The following PCDH15 variants were observed in gnomAD, a reference collection of about 807,000 sequenced individuals.
PCDH15 encodes the protein protocadherin-15.
In PCDH15, 129 loss-of-function variants were observed where a neutral mutation model predicts 178.5. The observed-to-expected ratio is 0.72, with a 90% CI of 0.63 to 0.84. The LOEUF is 0.84. PCDH15 is among the 40% of genes least tolerant of loss of function. PCDH15 has a pLI of 0.00. For synonymous variants in PCDH15, 800 were observed against 732.0 expected (o/e 1.09, Z -1.50); for missense variants, 2,230 against 2,099.9 (o/e 1.06, Z -1.21).
At chr10:54,970,975 G>A (rs1838916739) in intron 2 of PCDH15, among the ~76,000 whole-genome samples, 1 of 152,160 alleles carries the variant, frequency 6.6e-6, no homozygotes, top group Admixed American at 6.5e-5. Flanking sequence ...GTTCACAGCA[G>A]AAGAGCAAAT....
intron 2 of PCDH15, among the ~76,000 whole-genome samples, chr10:55,618,469 A>C (rs1223407795): frequency 2.0e-5 from 3 of 152,028 alleles, no homozygotes; most frequent in Admixed American, 2.0e-4. Flanking sequence ...GTATCATGAC[A>C]AACACTTTGA....
At chr10:55,204,940 T>G (rs979504766) in intron 1 of PCDH15, among the ~76,000 whole-genome samples, 2 of 152,098 alleles carry the variant, frequency 1.3e-5, no homozygotes, top group African/African-American at 4.8e-5. Flanking sequence ...TTAAATCTAT[T>G]AAATAATTTT....
At chr10:54,119,171 G>A (rs973989272) in intron 15 of PCDH15, among the ~76,000 whole-genome samples, 11 of 151,922 alleles carry the variant, frequency 7.2e-5, no homozygotes, top group Non-Finnish European at 1.0e-4. Flanking sequence ...AGAAATGACA[G>A]ATAAATAATA....
At chr10:55,210,728 A>C (rs1840547779) in intron 1 of PCDH15, among the ~76,000 whole-genome samples, 1 of 136,682 alleles carries the variant, frequency 7.3e-6, no homozygotes, top group Non-Finnish European at 1.5e-5. Flanking sequence ...TCCCGTGTTC[A>C]AGTGATTCTC....
intron 1 of PCDH15, among the ~76,000 whole-genome samples, chr10:55,220,504 A>G (rs150801801): frequency 0.011 from 1,693 of 152,168 alleles, 75 homozygotes; most frequent in Admixed American, 0.015. Flanking sequence ...AACATTATAG[A>G]GTATACTTAC....
chr10:54,624,727 C>T (rs1355494808), intron 2 of PCDH15, among the ~76,000 whole-genome samples: 1 of 152,164 alleles, frequency 6.6e-6, no homozygotes, highest in East Asian at 1.9e-4. Context: ...CTGAGCTCTA[C>T]CTCCTGTCAG....
At chr10:54,188,245 T>A (rs887204594) in intron 11 of PCDH15, among the ~76,000 whole-genome samples, 19 of 151,882 alleles carry the variant, frequency 1.3e-4, no homozygotes, top group African/African-American at 4.6e-4. Flanking sequence ...TATTTGAATT[T>A]TGCAATTCCT....
intron 1 of PCDH15, among the ~76,000 whole-genome samples, chr10:55,278,844 A>C (rs2132255090): frequency 6.6e-6 from 1 of 152,304 alleles, no homozygotes; most frequent in African/African-American, 2.4e-5. Flanking sequence ...AGGATTCTGT[A>C]ATTCCTGACA....
At chr10:55,245,890 TC>T (rs1841667229) in intron 1 of PCDH15, among the ~76,000 whole-genome samples, 3 of 152,142 alleles carry the variant, frequency 2.0e-5, no homozygotes, top group African/African-American at 7.2e-5. Context: ...TACCAAAGCC[TC>T]AGAAAACTAA....
intron 1 of PCDH15, among the ~76,000 whole-genome samples, chr10:54,780,552 A>C (rs1395292518): frequency 6.6e-6 from 1 of 152,040 alleles, no homozygotes; most frequent in Non-Finnish European, 1.5e-5. Context: ...AATCAACATA[A>C]TCTGACAAAA....
At chr10:55,620,170 A>G (rs1181473896) in intron 2 of PCDH15, among the ~76,000 whole-genome samples, 14 of 152,074 alleles carry the variant, frequency 9.2e-5, no homozygotes, top group Admixed American at 9.2e-4. Flanking sequence ...ATACATGCCA[A>G]ATGTCATCAG....
At chr10:55,545,592 G>A (rs548927586) in intron 2 of PCDH15, among the ~76,000 whole-genome samples, 1 of 151,032 alleles carries the variant, frequency 6.6e-6, no homozygotes, top group African/African-American at 2.4e-5. Flanking sequence ...TGTATTTTTA[G>A]TAGAGACAGG....
rs138357932 is a variant in PCDH15, at chr10:54,278,806, C to T, written c.876+38465G>A. Among the ~76,000 whole-genome samples the T allele has an allele frequency of 2.4e-3, 363 of 151,622 alleles. 2 individuals are homozygous for T. The highest frequency in any genetic ancestry group is 8.4e-3 in the African/African-American group (347 of 41,488). Reference sequence around the variant, plus strand: ...TTTAGAATGGATTAATTGCCATCTGCGTACCTTTTATCAGGTTATTCTATT... The same window carrying T: ...TTTAGAATGGATTAATTGCCATCTGTGTACCTTTTATCAGGTTATTCTATT... On this transcript the variant is annotated intron_variant, in intron 8 of 37. Coordinates refer to ENST00000644397, the MANE Select transcript of PCDH15 (RefSeq NM_001384140.1).
chr10:55,384,100 A>G (rs962072727), intron 2 of PCDH15, among the ~76,000 whole-genome samples: 1 of 152,202 alleles, frequency 6.6e-6, no homozygotes, highest in African/African-American at 2.4e-5. Context: ...TTACATTCCC[A>G]GGGAATAACT....
At chr10:55,144,287 T>C (rs1301552814) in intron 2 of PCDH15, among the ~76,000 whole-genome samples, 3 of 151,660 alleles carry the variant, frequency 2.0e-5, no homozygotes, top group African/African-American at 7.3e-5. Flanking sequence ...AAAAATCCAC[T>C]GTGACATACA....
intron 8 of PCDH15, among the ~76,000 whole-genome samples, chr10:54,313,621 A>G (rs2061042940): frequency 6.6e-6 from 1 of 152,028 alleles, no homozygotes; most frequent in South Asian, 2.1e-4. Context: ...CTCTTCCTAA[A>G]TTGTATCTAT....
chr10:54,545,300 T>C (rs1331253303), intron 2 of PCDH15, among the ~76,000 whole-genome samples: 1 of 152,224 alleles, frequency 6.6e-6, no homozygotes, highest in African/African-American at 2.4e-5. Flanking sequence ...TGATGGTAAC[T>C]CATCATCACA....
chr10:53,807,651 TTTATTTACTTGACTTTAC>T (rs1421060465), intron 37 of PCDH15, among the ~76,000 whole-genome samples: 1 of 151,130 alleles, frequency 6.6e-6, no homozygotes, highest in Admixed American at 6.6e-5. Context: ...AATTTAAGCA[TTTATTTACTTGACTTTAC>T]TTATTTACTT....
chr10:55,339,975 A>C (rs1373889269), intron 2 of PCDH15, among the ~76,000 whole-genome samples: 1 of 151,338 alleles, frequency 6.6e-6, no homozygotes, highest in Non-Finnish European at 1.5e-5. Context: ...TGAAAGAGAA[A>C]GATAAAGAGA....
Sources: gnomAD v4.1 joint callset for allele counts (sites outside exome capture counted in the v4.1 genomes callset) on GRCh38, gnomAD v4.1.1 for gene constraint, MANE v1.5 for transcripts, NCBI Gene and HGNC (gene_info 2026-07-23, HGNC 2026-07-21) for gene names.